Variants in CEP295 observed in about 807,000 individuals in gnomAD.
CEP295 encodes the protein centrosomal protein 295.
A neutral mutation model predicts 291.6 loss-of-function variants in CEP295; 190 were observed. The ratio of observed to expected loss-of-function variants is 0.65; its 90% CI spans 0.58 to 0.73. The LOEUF (loss-of-function observed/expected upper bound fraction) is 0.73, where lower values mean the gene tolerates loss of function less well. Ranked by LOEUF, CEP295 falls within the 30% of genes least tolerant of loss-of-function variation. CEP295 has a pLI of 0.00. For synonymous variants in CEP295, 993 were observed against 1,038.8 expected, an observed-to-expected ratio of 0.96 and a Z score of 0.85; for missense variants, 2,863 against 2,949.4, an observed-to-expected ratio of 0.97 and a Z score of 0.68.
chr11:93,730,162 A>AGG lies in CEP295; in HGVS notation c.7767+16_7767+17dup. The AGG allele has an allele frequency of 1.3e-6, 2 of 1,550,940 alleles. No individual in the cohort carries two copies. Among genetic ancestry groups the AGG allele is most frequent in the Non-Finnish European group, 1.7e-6 (2 of 1,146,642 alleles). ...GAATTCCATAAGGTGAGTATAACTGAGGGAGAAGGACTTAATTTTTCAAGC... is the reference window on the plus strand; with the variant it reads ...GAATTCCATAAGGTGAGTATAACTGAGGGGGAGAAGGACTTAATTTTTCAAGC... On this transcript the variant is annotated intron_variant, in intron 29 of 29. Transcript: ENST00000325212.
intron 10 of CEP295, among the ~76,000 whole-genome samples, chr11:93,691,443 G>C: frequency 6.6e-6 from 1 of 152,050 alleles, no homozygotes; most frequent in African/African-American, 2.4e-5. Context: ...AATCCTATCA[G>C]CGTATCTATT....
intron 12 of CEP295, among the ~76,000 whole-genome samples, chr11:93,694,152 C>G (rs1052796754): frequency 2.0e-5 from 3 of 152,140 alleles, no homozygotes; most frequent in African/African-American, 4.8e-5. Flanking sequence ...ATTTTGAAAA[C>G]AAGATCATTG....
At chr11:93,725,045 A>G (rs1025267043) in intron 22 of CEP295, among the ~76,000 whole-genome samples, 1 of 152,066 alleles carries the variant, frequency 6.6e-6, no homozygotes, top group Admixed American at 6.5e-5. Context: ...GCTTGAGGCC[A>G]GGAGTTTGAG....
rs1950649096 is a variant in CEP295, at chr11:93,675,598, G to C, written c.556G>C (p.Val186Leu). The part of the protein sequence containing the change: ...ENIEVKRISA[V>L]KTNSSTYHHL... The stretch of plus-strand genomic sequence containing the variant: ...CATCGAAGTAAAAAGAATTTCTGCA[G>C]TCAAAACCAATAGTTCTACCTACCA... The change falls in exon 6 of 30, where the codon GTC becomes CTC. Residue 186 changes from valine (V) to leucine (L), a missense_variant. Transcript: ENST00000325212. The C allele has an allele frequency of 4.6e-6, 7 of 1,506,220 alleles. No homozygotes were observed. Among genetic ancestry groups the C allele is most frequent in the African/African-American group, 2.8e-5 (2 of 70,204 alleles). The allele number at this position is 1,506,220 out of a possible 1,614,324, so 93.3% of individuals were successfully genotyped here. A position where few individuals can be genotyped will look rare whatever the true frequency, so the allele number is the denominator to read the frequency against.
At position 93,697,865 on chromosome 11, in the gene CEP295, A is replaced by G; in HGVS notation, c.2953A>G (p.Arg985Gly). ...ACATAAACAGAGTGAATTGGATAGA[A>G]GAGTATGTTCCGAACAGGCTGAGCC... ...YVHKQSELDR[R>G]VCSEQAEPSF... Residue 985 changes from arginine to glycine, a missense_variant, in exon 15 of 30, where the codon AGA becomes GGA. Transcript: ENST00000325212. The G allele has an allele frequency of 6.4e-7, 1 of 1,551,752 alleles. No homozygotes were observed. Among genetic ancestry groups the G allele is most frequent in the South Asian group, 1.2e-5 (1 of 84,062 alleles).
intron 17 of CEP295, among the ~76,000 whole-genome samples, chr11:93,706,332 A>T (rs1477320385): frequency 1.3e-5 from 2 of 152,186 alleles, no homozygotes; most frequent in African/African-American, 4.8e-5. Flanking sequence ...CCAGGTCAAG[A>T]AGTGGAACAT....
chr11:93,718,015 GATCCTCCCACCTCA>G (rs1953398893), intron 18 of CEP295, among the ~76,000 whole-genome samples: 1 of 152,064 alleles, frequency 6.6e-6, no homozygotes, highest in South Asian at 2.1e-4. Flanking sequence ...AGGCTCAATT[GATCCTCCCACCTCA>G]GCCTCCCGAG....
At position 93,727,569 on chromosome 11, in the gene CEP295, C is replaced by G. The variant is rs754990235; in HGVS notation, c.7093C>G (p.Gln2365Glu). 1 of 1,551,188 alleles carries G rather than the reference C, an allele frequency of 6.4e-7. No individual in the cohort carries two copies. The highest frequency in any genetic ancestry group is 8.7e-7 in the Non-Finnish European group (1 of 1,146,896). The change falls in exon 24 of 30, where the codon CAA becomes GAA. Residue 2365 changes from glutamine to glutamate, a missense_variant. By Grantham distance (29) the Gln-to-Glu change is conservative (BLOSUM62 2). Transcript: ENST00000325212. ...DIPKITKKLS[Q>E]LGESELFASS... ...TCCAAAAATCACCAAAAAACTATCTCAACTAGGAGAATCAGAGCTTTTTGC... is the reference window on the plus strand; with the variant it reads ...TCCAAAAATCACCAAAAAACTATCTGAACTAGGAGAATCAGAGCTTTTTGC...
chr11:93,721,690 G>A, intron 19 of CEP295: 1 of 738,392 alleles, frequency 1.4e-6, no homozygotes. Flanking sequence ...GTGTGTGTGT[G>A]TGTGTGTGTG....
intron 5 of CEP295, among the ~76,000 whole-genome samples, chr11:93,673,562 C>T (rs1950547732): frequency 6.6e-6 from 1 of 151,364 alleles, no homozygotes; most frequent in Admixed American, 6.6e-5. Flanking sequence ...GGTGCAGTCT[C>T]GGCTCCCTGC....
At chr11:93,667,375 C>T (rs1052798512) in intron 2 of CEP295, among the ~76,000 whole-genome samples, 3 of 151,970 alleles carry the variant, frequency 2.0e-5, no homozygotes, top group Non-Finnish European at 2.9e-5. Context: ...TGGGAGTGGG[C>T]GCTGAATAAA....
At chr11:93,679,835 A>G (rs1438181872) in intron 7 of CEP295, among the ~76,000 whole-genome samples, 1 of 152,232 alleles carries the variant, frequency 6.6e-6, no homozygotes, top group Non-Finnish European at 1.5e-5. Context: ...GAAAAAAATC[A>G]CTTTCCTGAT....
chr11:93,727,143 A>T lies in CEP295; in HGVS notation c.6667A>T (p.Lys2223Ter). The T allele has an allele frequency of 6.4e-7, 1 of 1,550,578 alleles. No homozygotes were observed. Among genetic ancestry groups the T allele is most frequent in the Non-Finnish European group, 8.7e-7 (1 of 1,146,582 alleles). ...ACATACTGAAATATTACAAAACAAG[A>T]AAAAAATTGTTCATTTCCAGCTTTC... ...EEHTEILQNK[K>*]KIVHFQLSIG... is the part of the protein sequence containing the mutation. Residue 2223 changes from lysine (K) to a stop codon, truncating the protein, a stop_gained, in exon 24 of 30, where the codon AAA (lysine) becomes TAA (stop). Coordinates refer to ENST00000325212, the MANE Select transcript of CEP295 (RefSeq NM_033395.2). LOFTEE classifies it high-confidence loss of function.
At chr11:93,663,752 A>G (rs1950092684) in intron 1 of CEP295, among the ~76,000 whole-genome samples, 1 of 152,254 alleles carries the variant, frequency 6.6e-6, no homozygotes, top group Admixed American at 6.5e-5. Flanking sequence ...GAGCTTAAAA[A>G]TAATAAATGT....
intron 1 of CEP295, among the ~76,000 whole-genome samples, chr11:93,663,000 G>T (rs1004515113): frequency 2.0e-5 from 3 of 152,128 alleles, no homozygotes; most frequent in African/African-American, 7.2e-5. Flanking sequence ...CTAAATGGAG[G>T]GACATTCAAC....
intron 23 of CEP295, among the ~76,000 whole-genome samples, chr11:93,726,136 A>G (rs1954119055): frequency 6.6e-6 from 1 of 151,076 alleles, no homozygotes; most frequent in Non-Finnish European, 1.5e-5. Context: ...TTTTGTTTTT[A>G]TTTTGTTTTT....
In CEP295 at chr11:93,699,908, A is replaced by G. The variant is rs1952046342; in HGVS notation, c.4996A>G (p.Lys1666Glu). 3.2e-6 allele frequency: 5 copies of G among 1,551,842 alleles called. No individual in the cohort carries two copies. The highest frequency in any genetic ancestry group is 1.7e-6 in the Non-Finnish European group (2 of 1,147,006). ...IPLPFAEAKP[K>E]STCELYSSQN... is the part of the protein sequence containing the mutation. ...ACTACCTTTTGCAGAAGCTAAACCT[A>G]AAAGCACTTGTGAATTGTATTCATC... The change falls in exon 15 of 30, where the codon AAA (lysine) becomes GAA (glutamate). Residue 1666 changes from lysine (K) to glutamate (E), a missense_variant. Lys to Glu is a moderately conservative substitution (Grantham distance 56, BLOSUM62 1). This residue lies in a region of CEP295 where 2,295 missense variants were observed against 2,335.7 expected (regional missense o/e 0.98). Coordinates refer to ENST00000325212, the MANE Select transcript of CEP295 (RefSeq NM_033395.2).
At chr11:93,694,679 G>A (rs1951761872) in intron 12 of CEP295, among the ~76,000 whole-genome samples, 1 of 152,232 alleles carries the variant, frequency 6.6e-6, no homozygotes. Context: ...GCATGGATAT[G>A]CTGGACAAAG....
At chr11:93,721,691 TGTG>T (rs747664290) in intron 19 of CEP295, 9 of 739,284 alleles carry the variant, frequency 1.2e-5, no homozygotes, top group South Asian at 1.1e-4. Context: ...TGTGTGTGTG[TGTG>T]TGTGTGTACG....
Sources: allele counts gnomAD v4.1 joint callset (sites outside exome capture counted in the v4.1 genomes callset), GRCh38; gene constraint gnomAD v4.1.1; regional missense constraint gnomAD v4.1.1; transcripts MANE v1.5; gene names NCBI Gene and HGNC (gene_info 2026-07-23, HGNC 2026-07-21).